The following DIPK1A variants were observed in gnomAD, a reference collection of about 807,000 sequenced individuals.
DIPK1A encodes family with sequence similarity 69 member A.
DIPK1A carries 27 observed loss-of-function variants against 40.8 expected under a neutral mutation model. The observed-to-expected ratio is 0.66, with a 90% confidence interval of 0.49 to 0.91. The LOEUF is 0.91. DIPK1A is among the 40% of genes least tolerant of loss of function. DIPK1A has a pLI of 0.00. For missense variants in DIPK1A, 412 were observed against 505.7 expected (o/e 0.81, Z 1.78); for synonymous variants, 166 against 171.3 (o/e 0.97, Z 0.24).
chr1:92,836,213 C>G (rs1292370167), intron 4 of DIPK1A: 1 of 1,612,626 alleles, frequency 6.2e-7, no homozygotes, highest in South Asian at 1.1e-5. Context: ...TTGGCATGGA[C>G]AAGATCTATG....
Position 92,876,025 on chromosome 1 carries a change from A to AAT in DIPK1A, c.189+269_189+270dup, listed in dbSNP as rs150655420. Among the ~76,000 whole-genome samples, 70 of 148,792 alleles carry AAT rather than the reference A, an allele frequency of 4.7e-4. 1 individual carries two copies. The highest frequency in any genetic ancestry group is 1.7e-3 in the East Asian group (9 of 5,148). On this transcript the variant is annotated intron_variant, in intron 2 of 4. Coordinates refer to ENST00000370310, the MANE Select transcript of DIPK1A (RefSeq NM_001006605.5). ...TAAACTAAAACTTAAATATATTAAA[A>AAT]ATATATATATATATAATAAAAATCC...
At chr1:92,835,596 G>A (rs1383612951) in intron 4 of DIPK1A, among the ~76,000 whole-genome samples, 1 of 146,930 alleles carries the variant, frequency 6.8e-6, no homozygotes, top group Non-Finnish European at 1.5e-5. Context: ...GAAGGCAGAG[G>A]TTGCAGTGAG....
intron 1 of DIPK1A, among the ~76,000 whole-genome samples, chr1:92,902,163 T>C (rs918282844): frequency 3.9e-5 from 6 of 152,266 alleles, no homozygotes; most frequent in Admixed American, 2.6e-4. Context: ...AAGGCATTGT[T>C]TTCTGGGATG....
At chr1:92,844,252 T>C (rs1687500967) in intron 4 of DIPK1A, 57 bp from the exon 5 acceptor site, 9 of 1,092,354 alleles carry the variant, frequency 8.2e-6, no homozygotes, top group African/African-American at 1.6e-5. Flanking sequence ...CCATGCAACA[T>C]ACTAAGTTTC....
intron 1 of DIPK1A, among the ~76,000 whole-genome samples, chr1:92,957,224 C>T (rs138792418): frequency 1.6e-3 from 251 of 152,246 alleles, no homozygotes; most frequent in African/African-American, 5.8e-3. Flanking sequence ...TAAAAAAAGA[C>T]AAATGCAGGT....
intron 1 of DIPK1A, among the ~76,000 whole-genome samples, chr1:92,903,988 A>T (rs1170691576): frequency 1.3e-5 from 2 of 152,236 alleles, no homozygotes; most frequent in Non-Finnish European, 1.5e-5. Context: ...TTGGAATGGT[A>T]AAACCCTATT....
At chr1:92,860,915 T>C (rs1647234462) in intron 2 of DIPK1A, among the ~76,000 whole-genome samples, 1 of 152,220 alleles carries the variant, frequency 6.6e-6, no homozygotes, top group Admixed American at 6.5e-5. Flanking sequence ...AATAAATGTC[T>C]ACATGTCTAG....
chr1:92,844,318 G>A, intron 4 of DIPK1A, 123 bp from the exon 5 acceptor site: 1 of 637,924 alleles, frequency 1.6e-6, no homozygotes, highest in Non-Finnish European at 2.8e-6. Context: ...TCCCCAAACA[G>A]GAACTTAATG....
intron 4 of DIPK1A, chr1:92,833,275 C>T: frequency 5.9e-6 from 5 of 851,354 alleles, no homozygotes; most frequent in Non-Finnish European, 9.7e-6. Flanking sequence ...CTACAAGTGA[C>T]AGTTGTCTGT....
intron 4 of DIPK1A, 28 bp downstream of exon 4, chr1:92,847,155 C>G (rs780042045): frequency 5.6e-6 from 8 of 1,439,842 alleles, no homozygotes; most frequent in South Asian, 1.5e-5. Flanking sequence ...CCACTTCACA[C>G]TAGCAACATA....
At chr1:92,940,188 G>A (rs1276687421) in intron 1 of DIPK1A, among the ~76,000 whole-genome samples, 1 of 151,988 alleles carries the variant, frequency 6.6e-6, no homozygotes, top group South Asian at 2.1e-4. Flanking sequence ...GTCCTTTCAG[G>A]GTGATTTCTG....
chr1:92,880,784 C>T (rs891202828), intron 1 of DIPK1A, among the ~76,000 whole-genome samples: 1 of 152,112 alleles, frequency 6.6e-6, no homozygotes, highest in Non-Finnish European at 1.5e-5. Context: ...ACAGGAGAAT[C>T]GCTTGAACTC....
intron 1 of DIPK1A, among the ~76,000 whole-genome samples, chr1:92,909,748 C>T (rs1208801465): frequency 6.6e-6 from 1 of 152,150 alleles, no homozygotes; most frequent in African/African-American, 2.4e-5. Context: ...AAAGGTAGAA[C>T]AGAATTTCTC....
At chr1:92,867,610 A>T (rs901881253) in intron 2 of DIPK1A, among the ~76,000 whole-genome samples, 1 of 152,068 alleles carries the variant, frequency 6.6e-6, no homozygotes. Context: ...GGTTCAAGCG[A>T]TTCTCCTGCC....
chr1:92,876,755 G>A (rs997621871), intron 1 of DIPK1A, among the ~76,000 whole-genome samples: 1 of 152,166 alleles, frequency 6.6e-6, no homozygotes, highest in South Asian at 2.1e-4. Flanking sequence ...ATCAGGTAAA[G>A]AGAGGTACAA....
At chr1:92,949,425 C>A (rs1000703894) in intron 1 of DIPK1A, among the ~76,000 whole-genome samples, 4 of 152,052 alleles carry the variant, frequency 2.6e-5, no homozygotes, top group Non-Finnish European at 5.9e-5. Flanking sequence ...CAGGCACCCA[C>A]CACCACACCT....
intron 1 of DIPK1A, among the ~76,000 whole-genome samples, chr1:92,924,662 A>G (rs567365294): frequency 6.6e-6 from 1 of 152,194 alleles, no homozygotes; most frequent in African/African-American, 2.4e-5. Context: ...GTAGGCTTTC[A>G]AGACTGCATT....
chr1:92,952,773 A>T (rs4308991), intron 1 of DIPK1A, among the ~76,000 whole-genome samples: 91,494 of 150,478 alleles, frequency 0.61, 28,474 homozygotes, highest in East Asian at 0.95. Flanking sequence ...GCTTTTTTTT[A>T]AAAAAAAATA....
intron 1 of DIPK1A, among the ~76,000 whole-genome samples, chr1:92,953,080 A>G (rs1274997718): frequency 6.6e-6 from 1 of 152,210 alleles, no homozygotes; most frequent in Non-Finnish European, 1.5e-5. Context: ...TGTTGAATAA[A>G]TATCAATCTG....
Sources: allele counts gnomAD v4.1 joint callset (sites outside exome capture counted in the v4.1 genomes callset), GRCh38; gene constraint gnomAD v4.1.1; transcripts MANE v1.5; gene names NCBI Gene and HGNC (gene_info 2026-07-23, HGNC 2026-07-21).